Variants in EYS observed in about 807,000 individuals in gnomAD.
The protein encoded by EYS is EGF-like photoreceptor maintenance factor, also known as protein eyes shut homolog.
A neutral mutation model predicts 282.1 loss-of-function variants in EYS; 250 were observed. That is an observed-to-expected ratio of 0.89 (90% CI 0.80 to 0.98). EYS has a LOEUF of 0.98. Ranked by LOEUF, EYS falls within the 50% of genes least tolerant of loss-of-function variation. EYS has a pLI of 0.00. For synonymous variants in EYS, 1,355 were observed against 1,282.9 expected (o/e 1.06, Z -1.20); for missense variants, 4,016 against 3,709.0 (o/e 1.08, Z -2.15).
chr6:65,351,995 T>A (rs1038380734), intron 9 of EYS, among the ~76,000 whole-genome samples: 1 of 151,816 alleles, frequency 6.6e-6, no homozygotes, highest in South Asian at 2.1e-4. Flanking sequence ...ATTGTGTCAT[T>A]TATAAAATAG....
chr6:64,883,179 T>G lies in EYS; in HGVS notation c.2992+3518A>C, dbSNP rs144640917. 1.4e-3 allele frequency among the ~76,000 whole-genome samples: 213 copies of G among 151,618 alleles called. 1 individual carries two copies. The highest frequency in any genetic ancestry group is 1.2e-3 in the Non-Finnish European group (78 of 67,626). On this transcript the variant is annotated intron_variant, in intron 19 of 42. Transcript: ENST00000503581. ...CAGATTGTTTTACTTCTTATGTAGA[T>G]TGGGCATTTGGCAAAAAATGTATTC...
rs554562897 is a variant in EYS, at chr6:64,703,547, C to A, written c.3444-77302G>T. Among the ~76,000 whole-genome samples the A allele has an allele frequency of 3.3e-3, 497 of 148,766 alleles. 5 individuals are homozygous for A. Among genetic ancestry groups the A allele is most frequent in the South Asian group, 0.01 (48 of 4,660 alleles). ...TCCCGGGTTCAAGTGATTCTTCTGC[C>A]TCAGCCTCCCGATTAGCTGGGACTA... is the stretch of plus-strand genomic sequence containing the variant. On this transcript the variant is annotated intron_variant, in intron 22 of 42. Coordinates refer to ENST00000503581, the MANE Select transcript of EYS (RefSeq NM_001142800.2).
chr6:65,177,726 T>G (rs1765261734), intron 12 of EYS, among the ~76,000 whole-genome samples: 1 of 151,894 alleles, frequency 6.6e-6, no homozygotes, highest in East Asian at 1.9e-4. Context: ...TTGGCAAATT[T>G]TATACATAAT....
intron 31 of EYS, among the ~76,000 whole-genome samples, chr6:64,095,090 C>G (rs929997310): frequency 6.6e-6 from 1 of 152,078 alleles, no homozygotes; most frequent in Non-Finnish European, 1.5e-5. Flanking sequence ...ATCCTGAGTT[C>G]TAGTTTGATT....
At chr6:64,004,292 T>C (rs1768234167) in intron 33 of EYS, among the ~76,000 whole-genome samples, 1 of 152,094 alleles carries the variant, frequency 6.6e-6, no homozygotes, top group African/African-American at 2.4e-5. Flanking sequence ...AATATATTTC[T>C]TTTTTGTGTT....
intron 12 of EYS, among the ~76,000 whole-genome samples, chr6:65,130,036 C>T (rs111341577): frequency 1.5e-3 from 231 of 151,838 alleles, no homozygotes; most frequent in Middle Eastern, 3.4e-3. Context: ...GGCCATTATA[C>T]TAAGTGAAGT....
rs201156936 is a variant in EYS, at chr6:65,317,825, C to CCTTTCTTTCTTT, written c.1766+17143_1766+17154dup. Among the ~76,000 whole-genome samples the CCTTTCTTTCTTT allele has an allele frequency of 1.9e-3, 152 of 81,226 alleles. 1 individual carries two copies. The highest frequency in any genetic ancestry group is 2.5e-3 in the Non-Finnish European group (98 of 39,832). 53.3% of individuals were successfully genotyped at this position (81,226 alleles called of 152,430 possible). ...TCCTTCCTTCCTTCCTTCCTTCCTT[C>CCTTTCTTTCTTT]CTTTCTTTCTTTCTTTCTTTCTTTC... On this transcript the variant is annotated intron_variant, in intron 11 of 42. Transcript: ENST00000503581.
intron 11 of EYS, chr6:65,301,025 C>A (rs770540292): frequency 6.6e-6 from 1 of 152,132 alleles, no homozygotes; most frequent in Non-Finnish European, 1.5e-5. Flanking sequence ...TCAGCTTTAC[C>A]ATGGTCCCAC....
chr6:65,414,907 T>C (rs1332398362), intron 5 of EYS, among the ~76,000 whole-genome samples: 1 of 152,028 alleles, frequency 6.6e-6, no homozygotes, highest in Non-Finnish European at 1.5e-5. Context: ...AGTTGTGCTA[T>C]CAATGTATAG....
intron 15 of EYS, among the ~76,000 whole-genome samples, chr6:64,913,071 TAA>T (rs535295429): frequency 1.7e-4 from 26 of 152,178 alleles, no homozygotes; most frequent in Admixed American, 8.5e-4. Context: ...TTATTTAATA[TAA>T]GTTTTACAGA....
chr6:64,797,135 C>G (rs868117998), intron 22 of EYS, among the ~76,000 whole-genome samples: 1 of 152,054 alleles, frequency 6.6e-6, no homozygotes, highest in Non-Finnish European at 1.5e-5. Context: ...TTCAAAATAA[C>G]AAATGTTGTG....
chr6:65,085,860 C>G (rs918821976), intron 12 of EYS, among the ~76,000 whole-genome samples: 17 of 152,170 alleles, frequency 1.1e-4, no homozygotes, highest in African/African-American at 3.9e-4. Context: ...TTCTCCAACT[C>G]TATACTTGCA....
At chr6:65,306,832 CAAAAAAAAAAA>C (rs201743269) in intron 11 of EYS, among the ~76,000 whole-genome samples, 12 of 51,748 alleles carry the variant, frequency 2.3e-4, no homozygotes, top group Admixed American at 8.2e-4. Flanking sequence ...GAGTCCGTCT[CAAAAAAAAAAA>C]AAAAAAAAAA....
At chr6:63,761,725 A>G (rs1212433268) in intron 41 of EYS, among the ~76,000 whole-genome samples, 5 of 152,000 alleles carry the variant, frequency 3.3e-5, no homozygotes, top group African/African-American at 1.2e-4. Context: ...GAGGCAGGAT[A>G]GAGAAATAGT....
chr6:65,260,482 A>G (rs556836860), intron 12 of EYS, among the ~76,000 whole-genome samples: 6 of 152,004 alleles, frequency 3.9e-5, no homozygotes, highest in Non-Finnish European at 1.5e-5. Flanking sequence ...TGGTTTATCA[A>G]TGTTTCAAGT....
chr6:64,863,818 A>G (rs1267486085), intron 19 of EYS, among the ~76,000 whole-genome samples: 1 of 152,202 alleles, frequency 6.6e-6, no homozygotes, highest in Non-Finnish European at 1.5e-5. Flanking sequence ...GCATTCAACC[A>G]AAAATCTAGG....
chr6:64,390,290 T>C (rs1385169028), intron 28 of EYS, among the ~76,000 whole-genome samples: 2 of 152,150 alleles, frequency 1.3e-5, no homozygotes, highest in Admixed American at 6.5e-5. Flanking sequence ...AGGAGGCCGG[T>C]CTGCCTCTGT....
At chr6:64,148,675 A>G (rs3013164) in intron 31 of EYS, among the ~76,000 whole-genome samples, 67,911 of 151,908 alleles carry the variant, frequency 0.45, 17,282 homozygotes, top group African/African-American at 0.7. Flanking sequence ...TACATCTTAC[A>G]TCTTTATCTT....
At chr6:64,033,475 G>C (rs1174362519) in intron 33 of EYS, among the ~76,000 whole-genome samples, 1 of 152,100 alleles carries the variant, frequency 6.6e-6, no homozygotes, top group African/African-American at 2.4e-5. Context: ...CTGAAAAAGA[G>C]TACTAATAAA....
Sources: gnomAD v4.1 joint callset for allele counts (sites outside exome capture counted in the v4.1 genomes callset) on GRCh38, gnomAD v4.1.1 for gene constraint, MANE v1.5 for transcripts, NCBI Gene and HGNC (gene_info 2026-07-23, HGNC 2026-07-21) for gene names.